EZH1: variants seen among roughly 807,000 people sequenced by gnomAD.
EZH1 encodes histone-lysine N-methyltransferase EZH1.
EZH1 carries 33 observed loss-of-function variants against 100.5 expected under a neutral mutation model. The observed-to-expected ratio is 0.33, with a 90% confidence interval of 0.25 to 0.44. The LOEUF is 0.44. Among genes scored for constraint, EZH1 ranks in the 20% least tolerant of loss-of-function variants. The pLI, the probability that EZH1 is intolerant of heterozygous loss-of-function variation, is 1.00. For missense variants in EZH1, 475 were observed against 928.4 expected (o/e 0.51, Z 6.35); for synonymous variants, 272 against 313.8 (o/e 0.87, Z 1.41).
At position 42,712,404 on chromosome 17, in the gene EZH1, G is replaced by A. The variant is rs374952991; in HGVS notation, c.1286C>T (p.Ser429Leu). The change falls in exon 12 of 21, where the codon TCG (serine) becomes TTG (leucine). Residue 429 changes from serine to leucine, a missense_variant. Coordinates refer to ENST00000428826, the MANE Select transcript of EZH1 (RefSeq NM_001991.5). ...AGCCCCAGTCCATTCCACAGGCTCC[G>A]AGGGTGCTTCCACTACGCAGAGTTG... ...PPQLCVVEAPSEPVEWTGAEE... is the reference protein window; with the variant it reads ...PPQLCVVEAPLEPVEWTGAEE... 1.2e-4 allele frequency: 194 copies of A among 1,614,198 alleles called. No homozygotes were observed. Among genetic ancestry groups the A allele is most frequent in the East Asian group, 1.1e-3 (51 of 44,888 alleles).
Position 42,702,195 on chromosome 17 carries a change from A to G in EZH1, c.*337T>C, listed in dbSNP as rs1036740566. The G allele has an allele frequency of 2.7e-5, 7 of 258,814 alleles. No individual in the cohort carries two copies. Among genetic ancestry groups the G allele is most frequent in the Non-Finnish European group, 4.5e-5 (6 of 134,688 alleles). 16.0% of individuals were successfully genotyped at this position (258,814 alleles called of 1,614,324 possible). A position where few individuals can be genotyped will look rare whatever the true frequency, so the allele number is the denominator to read the frequency against. ...GGCTAGCGCTTGTTGGGAACTGCCT[A>G]AGTTGATTCCTGAGGCCACAGCCTG... On this transcript the variant is annotated 3_prime_UTR_variant, in exon 21 of 21. Transcript: ENST00000428826.
intron 3 of EZH1, 129 bp downstream of exon 3, chr17:42,728,696 T>C: frequency 1.2e-6 from 1 of 858,968 alleles, no homozygotes; most frequent in South Asian, 1.9e-5. Context: ...AAGCTGAGAT[T>C]ACGCCACTGC....
chr17:42,709,587 T>C, intron 13 of EZH1: 1 of 384,838 alleles, frequency 2.6e-6, no homozygotes, highest in Non-Finnish European at 4.7e-6. Flanking sequence ...CCAGCTCATG[T>C]CCTATTGGCC....
intron 4 of EZH1, chr17:42,724,631 C>T (rs535484034): frequency 1.6e-5 from 7 of 448,482 alleles, no homozygotes; most frequent in East Asian, 4.5e-5. Flanking sequence ...AAACATAATA[C>T]AAAAATTAGC....
intron 1 of EZH1, among the ~76,000 whole-genome samples, chr17:42,743,121 G>A (rs1026778299): frequency 5.3e-5 from 8 of 151,400 alleles, no homozygotes; most frequent in Non-Finnish European, 1.2e-4. Flanking sequence ...CGCCTGCCTT[G>A]GCCTCCCAAA....
At chr17:42,720,882 C>A (rs984565718) in intron 6 of EZH1, among the ~76,000 whole-genome samples, 1 of 152,038 alleles carries the variant, frequency 6.6e-6, no homozygotes, top group African/African-American at 2.4e-5. Flanking sequence ...AACTCCAGAC[C>A]TCAGGTGATC....
rs1482022257 is a variant in EZH1, at chr17:42,724,385, G to T, written c.286C>A (p.His96Asn). Residue 96 changes from histidine to asparagine, a missense_variant, in exon 5 of 21, where the codon CAT becomes AAT. This residue lies in a region of EZH1 where 105 missense variants were observed against 129.8 expected (regional missense o/e 0.81). Transcript: ENST00000428826. ...ESIFPGFASQ[H>N]MLMRSLNTVA... ...GTGTTCAGTGACCTCATTAACATATGTTGGCTTGCAAATCCCGGGAAAATG... is the reference window on the plus strand; with the variant it reads ...GTGTTCAGTGACCTCATTAACATATTTTGGCTTGCAAATCCCGGGAAAATG... The T allele has an allele frequency of 1.2e-6, 2 of 1,614,094 alleles. No homozygotes were observed. The highest frequency in any genetic ancestry group is 1.7e-6 in the Non-Finnish European group (2 of 1,179,960).
chr17:42,713,058 A>AAAAAT, intron 11 of EZH1, 151 bp downstream of exon 11: 1 of 687,576 alleles, frequency 1.5e-6, no homozygotes, highest in Non-Finnish European at 2.2e-6. Context: ...AAAAAAAAAA[A>AAAAAT]GAAAATATTC....
chr17:42,726,172 C>A (rs893714162), intron 4 of EZH1, among the ~76,000 whole-genome samples: 1 of 148,942 alleles, frequency 6.7e-6, no homozygotes, highest in African/African-American at 2.5e-5. Flanking sequence ...AGCCACTGCA[C>A]CCAGCTTCTG....
At position 42,728,833 on chromosome 17, in the gene EZH1, C is replaced by G; in HGVS notation, c.109G>C (p.Gly37Arg). The G allele has an allele frequency of 6.2e-7, 1 of 1,612,760 alleles. No individual in the cohort carries two copies. Among genetic ancestry groups the G allele is most frequent in the Non-Finnish European group, 8.5e-7 (1 of 1,179,570 alleles). The change falls in exon 3 of 21, where the codon GGT becomes CGT. Residue 37 changes from glycine to arginine, a missense_variant. Coordinates refer to ENST00000428826, the MANE Select transcript of EZH1 (RefSeq NM_001991.5). ...RQLKRLQANM[G>R]AKALYVANFA... ...TGGGAATTATTTTTTACCTTTGCAC[C>G]CATATTTGCCTGAAGCCGTTTAAGT...
At position 42,718,439 on chromosome 17, in the gene EZH1, A is replaced by T; in HGVS notation, c.931+15T>A. On this transcript the variant is annotated intron_variant, in intron 9 of 20. Transcript: ENST00000428826. This position sits in a 1 kb window ranked among gnomAD's most constrained non-coding sequence, Gnocchi z 4.2. ...GAAGAGAGGAGAGCATTTCAAACAG[A>T]GTAGCCCCACTCACGGTGAAGGAAG... The T allele has an allele frequency of 6.2e-7, 1 of 1,612,752 alleles. No individual in the cohort carries two copies. Among genetic ancestry groups the T allele is most frequent in the Non-Finnish European group, 8.5e-7 (1 of 1,179,898 alleles).
intron 10 of EZH1, among the ~76,000 whole-genome samples, chr17:42,716,759 C>T (rs947281677): frequency 1.5e-4 from 23 of 152,006 alleles, no homozygotes; most frequent in South Asian, 4.2e-4. Flanking sequence ...AGTACAGTGG[C>T]GTGATCTCGG....
At chr17:42,730,090 T>G (rs879570463) in intron 2 of EZH1, among the ~76,000 whole-genome samples, 1 of 152,010 alleles carries the variant, frequency 6.6e-6, no homozygotes, top group Non-Finnish European at 1.5e-5. Context: ...AACAACAAAA[T>G]TTCACATCAG....
chr17:42,713,037 CAAAAAAAAAAA>C (rs10664421), intron 11 of EZH1, among the ~76,000 whole-genome samples, 161 bp downstream of exon 11: 2 of 83,998 alleles, frequency 2.4e-5, no homozygotes, highest in Admixed American at 1.6e-4. Flanking sequence ...GAGACTGTTT[CAAAAAAAAAAA>C]AAAAAAAAAA....
intron 4 of EZH1, among the ~76,000 whole-genome samples, chr17:42,726,091 C>T (rs550293386): frequency 1.3e-5 from 2 of 150,060 alleles, no homozygotes; most frequent in South Asian, 4.3e-4. Flanking sequence ...GTTGGCCAGG[C>T]TGGTCTTGAA....
In EZH1 at chr17:42,745,029, G is replaced by A; in HGVS notation, c.-121C>T. 1 of 1,272,300 alleles carries A rather than the reference G, an allele frequency of 7.9e-7. No individual in the cohort carries two copies. The highest frequency in any genetic ancestry group is 1.3e-5 in the South Asian group (1 of 78,154). 78.8% of individuals were successfully genotyped at this position (1,272,300 alleles called of 1,614,324 possible). On this transcript the variant is annotated 5_prime_UTR_variant, in exon 1 of 21. Transcript: ENST00000428826. ...CACTCACCCTCCATCCCGAGCCGCG[G>A]GTCCCGCTGCTAGGACGCATGCGCG... is the stretch of plus-strand genomic sequence containing the variant.
rs2053654870 is a variant in EZH1, at chr17:42,718,892, T to C, written c.767+213A>G. 6.6e-6 allele frequency among the ~76,000 whole-genome samples: 1 copy of C among 152,188 alleles called. No individual in the cohort carries two copies. Among genetic ancestry groups the C allele is most frequent in the Non-Finnish European group, 1.5e-5 (1 of 68,024 alleles). ...GAAAAATGGCAGAGTAAATGTTCTC[T>C]GCCCAGACTCACTCAAAAGCCAGTA... On this transcript the variant is annotated intron_variant, in intron 8 of 20. Coordinates refer to ENST00000428826, the MANE Select transcript of EZH1 (RefSeq NM_001991.5). The surrounding 1 kb of genome is among the most constrained non-coding windows in gnomAD (Gnocchi z 4.2).
chr17:42,744,935 C>G, intron 1 of EZH1, 76 bp downstream of exon 1: 1 of 1,240,460 alleles, frequency 8.1e-7, no homozygotes, highest in Non-Finnish European at 1.0e-6. Context: ...CTCCGCCTCT[C>G]CCTCCCTCAG....
chr17:42,708,943 C>T, intron 13 of EZH1, 27 bp from the exon 14 acceptor site: 4 of 1,614,102 alleles, frequency 2.5e-6, no homozygotes, highest in African/African-American at 1.3e-5. Flanking sequence ...GGACAGGTCT[C>T]AGTCACGGCC....
Sources: gnomAD v4.1 joint callset for allele counts (sites outside exome capture counted in the v4.1 genomes callset) on GRCh38, gnomAD v4.1.1 for gene constraint, gnomAD v4.1.1 regional missense constraint, Gnocchi (gnomAD v3.1) non-coding constraint, MANE v1.5 for transcripts, NCBI Gene and HGNC (gene_info 2026-07-23, HGNC 2026-07-21) for gene names.